CSMD2: variants seen among roughly 807,000 people sequenced by gnomAD.
CSMD2 encodes CUB and sushi domain-containing protein 2.
CSMD2 carries 130 observed loss-of-function variants against 398.5 expected under a neutral mutation model. The ratio of observed to expected loss-of-function variants is 0.33; its 90% CI spans 0.28 to 0.38. The LOEUF is 0.38. Ranked by LOEUF, CSMD2 falls within the 10% of genes least tolerant of loss-of-function variation. The probability of loss-of-function intolerance (pLI) is 1.00; values close to 1 mark genes in which losing one functional copy is unlikely to be tolerated. For synonymous variants in CSMD2, 1,828 were observed against 1,908.5 expected (o/e 0.96, Z 1.10); for missense variants, 3,829 against 4,764.9 (o/e 0.80, Z 5.78).
chr1:33,982,817 T>G, intron 3 of CSMD2, among the ~76,000 whole-genome samples: 1 of 152,018 alleles, frequency 6.6e-6, no homozygotes, highest in East Asian at 1.9e-4. Context: ...CTGGCAAAGA[T>G]GTGGGTGAAG....
intron 13 of CSMD2, among the ~76,000 whole-genome samples, chr1:33,757,326 G>A (rs1649179460): frequency 6.6e-6 from 1 of 152,064 alleles, no homozygotes; most frequent in Admixed American, 6.5e-5. Flanking sequence ...AAAATCATGA[G>A]AGTCAGTTTG....
chr1:33,695,658 G>A (rs1645398356), intron 24 of CSMD2, among the ~76,000 whole-genome samples: 1 of 152,192 alleles, frequency 6.6e-6, no homozygotes, highest in South Asian at 2.1e-4. Flanking sequence ...AGTTGCCCAC[G>A]CTCTAGGCAG....
intron 2 of CSMD2, among the ~76,000 whole-genome samples, chr1:34,082,565 T>A (rs1486958514): frequency 6.6e-6 from 1 of 152,230 alleles, no homozygotes; most frequent in Non-Finnish European, 1.5e-5. Context: ...CCACCCCGTC[T>A]GGGAGGTGTA....
At chr1:33,733,113 G>C (rs1011079473) in intron 15 of CSMD2, among the ~76,000 whole-genome samples, 1 of 152,210 alleles carries the variant, frequency 6.6e-6, no homozygotes, top group Admixed American at 6.5e-5. Flanking sequence ...TCTGTAACGG[G>C]ATGTAGGCTG....
intron 25 of CSMD2, among the ~76,000 whole-genome samples, chr1:33,677,073 C>A (rs1157604817): frequency 6.6e-6 from 1 of 152,146 alleles, no homozygotes; most frequent in Non-Finnish European, 1.5e-5. Flanking sequence ...CTCTAAAACA[C>A]CAAAAGCAAT....
At chr1:33,674,068 CA>C (rs1644612034) in intron 25 of CSMD2, among the ~76,000 whole-genome samples, 1 of 152,154 alleles carries the variant, frequency 6.6e-6, no homozygotes, top group South Asian at 2.1e-4. Context: ...GCAAAATAAC[CA>C]GCTAACATCA....
chr1:33,874,524 A>AG (rs915869520), intron 5 of CSMD2, among the ~76,000 whole-genome samples: 2 of 152,208 alleles, frequency 1.3e-5, no homozygotes, highest in African/African-American at 4.8e-5. Context: ...TGTGTGTGGA[A>AG]GGGACATGTA....
intron 3 of CSMD2, among the ~76,000 whole-genome samples, chr1:34,020,719 A>G (rs1202119850): frequency 1.3e-5 from 2 of 152,118 alleles, no homozygotes; most frequent in African/African-American, 4.8e-5. Context: ...TCACCTCTCT[A>G]GGCCTCAACT....
In CSMD2 at chr1:33,571,637, G is replaced by T. The variant is rs769306556; in HGVS notation, c.7852C>A (p.Leu2618Met). The T allele has an allele frequency of 8.8e-6, 14 of 1,591,320 alleles. No individual in the cohort carries two copies. The Admixed American group carries it at 2.4e-4, about 27-fold the overall frequency. The change falls in exon 51 of 71, where the codon CTG becomes ATG. Residue 2618 changes from leucine to methionine, a missense_variant. Leu to Met is a conservative substitution (Grantham distance 15, BLOSUM62 2). Transcript: ENST00000373381. ...TAGCCAGGGTCACAGATGAGCATCA[G>T]CTGGGCCTGGAACTGATACTGTGTC... is the stretch of plus-strand genomic sequence containing the variant. Reference protein sequence around the residue: ...FETQYQFQAQLMLICDPGYYY... With the variant: ...FETQYQFQAQMMLICDPGYYY...
intron 19 of CSMD2, among the ~76,000 whole-genome samples, chr1:33,716,817 A>C (rs1380015073): frequency 1.3e-5 from 2 of 152,242 alleles, no homozygotes; most frequent in African/African-American, 2.4e-5. Context: ...AGAGACATTC[A>C]TTAATTCATC....
rs1446335010 is a variant in CSMD2, at chr1:33,878,594, G to A, written c.921-31598C>T. On this transcript the variant is annotated intron_variant, in intron 5 of 70. Coordinates refer to ENST00000373381, the MANE Select transcript of CSMD2 (RefSeq NM_001281956.2). ...GCTGAAAGCAGTAGTAGAGGCCCAG[G>A]AGCACAATTCAGTGAACAGCCCTCA... Among the ~76,000 whole-genome samples the A allele has an allele frequency of 2.0e-5, 3 of 152,250 alleles. 1 individual carries two copies. Among genetic ancestry groups the A allele is most frequent in the Non-Finnish European group, 2.9e-5 (2 of 68,044 alleles).
At chr1:33,802,254 T>C (rs1373799692) in intron 10 of CSMD2, among the ~76,000 whole-genome samples, 1 of 152,158 alleles carries the variant, frequency 6.6e-6, no homozygotes, top group Admixed American at 6.5e-5. Context: ...CCTTCTTTCC[T>C]CTGTTCCTTG....
At chr1:33,986,520 C>CT (rs1369123673) in intron 3 of CSMD2, among the ~76,000 whole-genome samples, 1 of 152,186 alleles carries the variant, frequency 6.6e-6, no homozygotes, top group Non-Finnish European at 1.5e-5. Context: ...GGCATCCAGC[C>CT]TGGGCCTGCT....
rs1640172165 is a variant in CSMD2, at chr1:33,600,954, T to C, written c.6767A>G (p.Lys2256Arg). The change falls in exon 44 of 71, where the codon AAG becomes AGG. Residue 2256 changes from lysine (K) to arginine (R), a missense_variant. By Grantham distance (26) the Lys-to-Arg change is conservative. Transcript: ENST00000373381. The stretch of plus-strand genomic sequence containing the variant: ...GTTGGATGAACTCTGCACTGTTTTC[T>C]TGGCCATGCTCCGGGTGAAGACGCC... The part of the protein sequence containing the change: ...RLGVFTRSMA[K>R]KTVQSSSNQV... The C allele has an allele frequency of 1.2e-6, 2 of 1,614,206 alleles. No individual in the cohort carries two copies. Among genetic ancestry groups the C allele is most frequent in the African/African-American group, 2.7e-5 (2 of 75,048 alleles).
Position 33,776,041 on chromosome 1 carries a change from A to T in CSMD2, c.1664-3290T>A, listed in dbSNP as rs552353075. On this transcript the variant is annotated intron_variant, in intron 12 of 70. Coordinates refer to ENST00000373381, the MANE Select transcript of CSMD2 (RefSeq NM_001281956.2). Reference sequence around the variant, plus strand: ...TGTACTGATGGGGCCAATACCAAACAGGAGAAGAGAAGGTGATATCACTCT... The same window carrying T: ...TGTACTGATGGGGCCAATACCAAACTGGAGAAGAGAAGGTGATATCACTCT... Among the ~76,000 whole-genome samples, 17 of 152,364 alleles carry T rather than the reference A, an allele frequency of 1.1e-4. No individual in the cohort carries two copies. The East Asian group carries it at 2.9e-3, about 26-fold the overall frequency.
intron 5 of CSMD2, among the ~76,000 whole-genome samples, chr1:33,853,686 G>T (rs1431781687): frequency 6.6e-6 from 1 of 152,202 alleles, no homozygotes; most frequent in South Asian, 2.1e-4. Context: ...AGCAGTTGCT[G>T]GGGGTGCCAT....
At position 33,636,271 on chromosome 1, in the gene CSMD2, G is replaced by T; in HGVS notation, c.4969+89C>A. ...TGGAGGAGCCGGGCTTGAGGACCTT[G>T]CCCCCCTCCCTTCCCCAGCCCACAG... On this transcript the variant is annotated intron_variant, in intron 30 of 70. Coordinates refer to ENST00000373381, the MANE Select transcript of CSMD2 (RefSeq NM_001281956.2). This position sits in a 1 kb window ranked among gnomAD's most constrained non-coding sequence, Gnocchi z 4.8. 3 of 1,318,960 alleles carry T rather than the reference G, an allele frequency of 2.3e-6. No homozygotes were observed. Among genetic ancestry groups the T allele is most frequent in the Non-Finnish European group, 3.1e-6 (3 of 964,680 alleles). 81.7% of individuals were successfully genotyped at this position (1,318,960 alleles called of 1,614,324 possible).
chr1:33,815,878 A>C lies in CSMD2; in HGVS notation c.1324+3835T>G, dbSNP rs573864415. ...ACAATCAGTATGTGTCATCCAGGGA[A>C]AATAAGTGGAGAGGAGAAGAGAGGA... On this transcript the variant is annotated intron_variant, in intron 9 of 70. Transcript: ENST00000373381. Among the ~76,000 whole-genome samples the C allele has an allele frequency of 7.4e-4, 112 of 152,324 alleles. 1 individual carries two copies. Among genetic ancestry groups the C allele is most frequent in the South Asian group, 3.7e-3 (18 of 4,812 alleles).
intron 1 of CSMD2, among the ~76,000 whole-genome samples, chr1:34,126,217 C>T (rs1337988488): frequency 6.6e-6 from 1 of 152,212 alleles, no homozygotes; most frequent in Non-Finnish European, 1.5e-5. Flanking sequence ...TAATCCTTGT[C>T]TCAGGTCTGC....
Sources: gnomAD v4.1 joint callset for allele counts (sites outside exome capture counted in the v4.1 genomes callset) on GRCh38, gnomAD v4.1.1 for gene constraint, Gnocchi (gnomAD v3.1) non-coding constraint, MANE v1.5 for transcripts, NCBI Gene and HGNC (gene_info 2026-07-23, HGNC 2026-07-21) for gene names.